Variants in PCDHGA5 observed in about 807,000 individuals in gnomAD.
PCDHGA5 encodes the protein protocadherin gamma subfamily A, 5.
PCDHGA5 carries 36 observed loss-of-function variants against 56.7 expected under a neutral mutation model. The ratio of observed to expected loss-of-function variants is 0.64; its 90% CI spans 0.49 to 0.84. PCDHGA5 has a LOEUF of 0.84. PCDHGA5 is among the 40% of genes least tolerant of loss of function. PCDHGA5 has a pLI of 0.00. For synonymous variants in PCDHGA5, 563 were observed against 520.2 expected, an observed-to-expected ratio of 1.08 and a Z score of -1.12; for missense variants, 1,305 against 1,201.5, an observed-to-expected ratio of 1.09 and a Z score of -1.27.
chr5:141,399,713 A>C (rs1353862646), intron 1 of PCDHGA5: 1 of 1,613,326 alleles, frequency 6.2e-7, no homozygotes, highest in Non-Finnish European at 8.5e-7. Context: ...CTCACACTAC[A>C]GGCCCGCGAC....
At chr5:141,398,573 G>A (rs561224063) in intron 1 of PCDHGA5, 39 of 1,613,870 alleles carry the variant, frequency 2.4e-5, no homozygotes, top group Non-Finnish European at 3.1e-5. Flanking sequence ...GCACAGCCTG[G>A]CACAAGATTT....
intron 1 of PCDHGA5, chr5:141,427,247 T>C (rs1409945260): frequency 2.2e-6 from 1 of 456,582 alleles, no homozygotes; most frequent in Non-Finnish European, 4.4e-6. Context: ...AAGCTAAGGA[T>C]GGTGGAGGCA....
At chr5:141,422,777 C>T in intron 1 of PCDHGA5, 1 of 1,613,982 alleles carries the variant, frequency 6.2e-7, no homozygotes, top group Non-Finnish European at 8.5e-7. Context: ...GTTCTCTATG[C>T]CCTACAATCC....
intron 1 of PCDHGA5, chr5:141,403,714 C>A: frequency 1.2e-6 from 2 of 1,613,910 alleles, no homozygotes; most frequent in South Asian, 1.1e-5. Context: ...TCCTTGAGAA[C>A]GTGCCCCCAG....
intron 1 of PCDHGA5, chr5:141,410,466 G>A (rs536543649): frequency 6.2e-7 from 1 of 1,613,908 alleles, no homozygotes; most frequent in African/African-American, 1.3e-5. Context: ...TATAATCTGT[G>A]CATTGCACAT....
chr5:141,389,588 C>T (rs2091837140), intron 1 of PCDHGA5: 3 of 1,613,150 alleles, frequency 1.9e-6, no homozygotes, highest in Non-Finnish European at 2.5e-6. Flanking sequence ...TGGGTCCCGA[C>T]GGCTCTGCGC....
intron 1 of PCDHGA5, chr5:141,420,319 G>A (rs1393746531): frequency 7.0e-7 from 1 of 1,437,540 alleles, no homozygotes; most frequent in Non-Finnish European, 9.4e-7. Flanking sequence ...ATTACAATAT[G>A]CCAATATATT....
intron 1 of PCDHGA5, chr5:141,389,331 G>C (rs1212558688): frequency 6.2e-7 from 1 of 1,613,868 alleles, no homozygotes; most frequent in Non-Finnish European, 8.5e-7. Flanking sequence ...GGGGCCCAAC[G>C]GCCAAGTCTC....
intron 1 of PCDHGA5, chr5:141,379,735 C>G (rs1775784648): frequency 2.0e-5 from 3 of 152,002 alleles, no homozygotes; most frequent in Admixed American, 6.6e-5. Flanking sequence ...TAAGTTATGG[C>G]TAAATGAGGT....
intron 1 of PCDHGA5, chr5:141,383,529 G>C (rs367939205): frequency 2.4e-5 from 39 of 1,612,356 alleles, no homozygotes; most frequent in Non-Finnish European, 3.1e-5. Flanking sequence ...TTCACCACCT[G>C]GTCCTCACAG....
rs61612330 is a variant in PCDHGA5, at chr5:141,454,796, A to ATTTTTTTTTTTTTTTTTTTTTTT, written c.2422-40004_2422-39982dup. Among the ~76,000 whole-genome samples, 6 of 77,456 alleles carry ATTTTTTTTTTTTTTTTTTTTTTT rather than the reference A, an allele frequency of 7.7e-5. 1 individual carries two copies. The highest frequency in any genetic ancestry group is 8.0e-4 in the East Asian group (2 of 2,512). 50.8% of individuals were successfully genotyped at this position (77,456 alleles called of 152,430 possible). Reference sequence around the variant, plus strand: ...AAGGAAATAATCCTCCATGGTTCTAATTTTTTTTTTTTTTTTTTTTTTTTT... The same window carrying ATTTTTTTTTTTTTTTTTTTTTTT: ...AAGGAAATAATCCTCCATGGTTCTAATTTTTTTTTTTTTTTTTTTTTTTTTTTTTTTTTTTTTTTTTTTTTTTT... On this transcript the variant is annotated intron_variant, in intron 1 of 3. Transcript: ENST00000518069.
At chr5:141,371,941 C>A (rs781345070) in intron 1 of PCDHGA5, 1 of 1,613,174 alleles carries the variant, frequency 6.2e-7, no homozygotes, top group Non-Finnish European at 8.5e-7. Flanking sequence ...GTGGTGTTCG[C>A]GCAGCGAGCC....
chr5:141,418,093 C>A, intron 1 of PCDHGA5: 2 of 1,614,032 alleles, frequency 1.2e-6, no homozygotes, highest in Non-Finnish European at 1.7e-6. Context: ...TCAGCGTAGA[C>A]GCGCAGAGCG....
chr5:141,397,039 A>G (rs2093467837), intron 1 of PCDHGA5, among the ~76,000 whole-genome samples: 1 of 152,236 alleles, frequency 6.6e-6, no homozygotes, highest in Non-Finnish European at 1.5e-5. Context: ...CCACAAATTT[A>G]TGTAAATGAA....
At chr5:141,393,348 T>A in intron 1 of PCDHGA5, 1 of 1,613,848 alleles carries the variant, frequency 6.2e-7, no homozygotes, top group Non-Finnish European at 8.5e-7. Flanking sequence ...TCACCACTTC[T>A]CCCTGGACGT....
Position 141,485,626 on chromosome 5 carries a change from T to A in PCDHGA5, c.2422-9181T>A, listed in dbSNP as rs2099616815. 6.2e-7 allele frequency: 1 copy of A among 1,611,740 alleles called. No individual in the cohort carries two copies. On this transcript the variant is annotated intron_variant, in intron 1 of 3. Coordinates refer to ENST00000518069, the MANE Select transcript of PCDHGA5 (RefSeq NM_018918.3). This position sits in a 1 kb window ranked among gnomAD's most constrained non-coding sequence, Gnocchi z 5.7. Reference sequence around the variant, plus strand: ...GGGAGGCAGCTCCTCCAGGACAGCGTTTCCCGTTGGAAAAGGCTCAGGATG... The same window carrying A: ...GGGAGGCAGCTCCTCCAGGACAGCGATTCCCGTTGGAAAAGGCTCAGGATG...
Position 141,490,330 on chromosome 5 carries a change from C to G in PCDHGA5, c.2422-4477C>G. 4 of 1,614,198 alleles carry G rather than the reference C, an allele frequency of 2.5e-6. No homozygotes were observed. Among genetic ancestry groups the G allele is most frequent in the South Asian group, 1.1e-5 (1 of 91,082 alleles). On this transcript the variant is annotated intron_variant, in intron 1 of 3. Coordinates refer to ENST00000518069, the MANE Select transcript of PCDHGA5 (RefSeq NM_018918.3). This position sits in a 1 kb window ranked among gnomAD's most constrained non-coding sequence, Gnocchi z 5.4. ...GGCCAACCCTGTCCTAGAGAGCACACCAGTGGGCACAGTAGTGGGGTTGTT... is the reference window on the plus strand; with the variant it reads ...GGCCAACCCTGTCCTAGAGAGCACAGCAGTGGGCACAGTAGTGGGGTTGTT...
intron 1 of PCDHGA5, among the ~76,000 whole-genome samples, chr5:141,448,604 A>G (rs954578256): frequency 1.3e-5 from 2 of 152,118 alleles, no homozygotes; most frequent in Non-Finnish European, 2.9e-5. Flanking sequence ...AATACTATAC[A>G]CCACTTTATA....
chr5:141,492,224 T>C (rs2099738444), intron 1 of PCDHGA5, among the ~76,000 whole-genome samples: 1 of 152,134 alleles, frequency 6.6e-6, no homozygotes, highest in South Asian at 2.1e-4. Flanking sequence ...CTCATGCGTG[T>C]CCTCCCTGCT....
Sources: gnomAD v4.1 joint callset for allele counts (sites outside exome capture counted in the v4.1 genomes callset) on GRCh38, gnomAD v4.1.1 for gene constraint, Gnocchi (gnomAD v3.1) non-coding constraint, MANE v1.5 for transcripts, NCBI Gene and HGNC (gene_info 2026-07-23, HGNC 2026-07-21) for gene names.